TMEM132B: variants seen among roughly 807,000 people sequenced by gnomAD.
TMEM132B encodes the protein transmembrane protein 132B.
TMEM132B carries 18 observed loss-of-function variants against 90.8 expected under a neutral mutation model. That is an observed-to-expected ratio of 0.20 (90% confidence interval 0.14 to 0.29). TMEM132B has a LOEUF of 0.29. Among genes scored for constraint, TMEM132B ranks in the 10% least tolerant of loss-of-function variants. The pLI, the probability that TMEM132B is intolerant of heterozygous loss-of-function variation, is 1.00. For synonymous variants in TMEM132B, 504 were observed against 523.3 expected, an observed-to-expected ratio of 0.96 and a Z score of 0.50; for missense variants, 1,096 against 1,326.8, an observed-to-expected ratio of 0.83 and a Z score of 2.70.
intron 1 of TMEM132B, among the ~76,000 whole-genome samples, chr12:125,328,840 C>G (rs1463074850): frequency 6.6e-6 from 1 of 152,124 alleles, no homozygotes; most frequent in Non-Finnish European, 1.5e-5. Context: ...GCCCTCATGA[C>G]TCTCGCTTTT....
intron 3 of TMEM132B, among the ~76,000 whole-genome samples, chr12:125,474,289 T>G: frequency 8.1e-6 from 1 of 123,264 alleles, no homozygotes; most frequent in East Asian, 2.8e-4. Flanking sequence ...CCCCTCCCCT[T>G]CCCTTCCCTC....
intron 4 of TMEM132B, among the ~76,000 whole-genome samples, chr12:125,567,757 T>G (rs939281069): frequency 6.6e-6 from 1 of 152,174 alleles, no homozygotes; most frequent in Non-Finnish European, 1.5e-5. Context: ...GTGTGAAATT[T>G]TAATGTAGCT....
intron 3 of TMEM132B, among the ~76,000 whole-genome samples, chr12:125,468,910 A>G (rs1265389164): frequency 6.6e-6 from 1 of 152,228 alleles, no homozygotes; most frequent in Non-Finnish European, 1.5e-5. Context: ...TTGTTAGTAT[A>G]TAGAAACACA....
At chr12:125,326,509 T>G in intron 1 of TMEM132B, 4 of 1,203,102 alleles carry the variant, frequency 3.3e-6, no homozygotes, top group Non-Finnish European at 4.8e-6. Context: ...GCAACCTGTA[T>G]AGTAAACATC....
At chr12:125,466,912 C>A (rs1207595572) in intron 3 of TMEM132B, among the ~76,000 whole-genome samples, 3 of 152,176 alleles carry the variant, frequency 2.0e-5, no homozygotes, top group African/African-American at 4.8e-5. Context: ...TGTGAACAAA[C>A]AAATGAAGTT....
Position 125,656,833 on chromosome 12 carries a change from CCTTTGGATCTCT to C in TMEM132B, c.*2124_*2135del, listed in dbSNP as rs1259419326. On this transcript the variant is annotated 3_prime_UTR_variant, in exon 9 of 9. Transcript: ENST00000682704. ...CTATGAGGCTTTTCAATCGTCTCTCCCTTTGGATCTCTGGCATTCCAGAAAGACTGGGAATTC... is the reference window on the plus strand; with the variant it reads ...CTATGAGGCTTTTCAATCGTCTCTCCGGCATTCCAGAAAGACTGGGAATTC... 1 of 152,224 alleles carries C rather than the reference CCTTTGGATCTCT, an allele frequency of 6.6e-6. No homozygotes were observed. 9.4% of individuals were successfully genotyped at this position (152,224 alleles called of 1,614,324 possible).
chr12:125,544,100 CAG>C (rs953732656), intron 4 of TMEM132B, among the ~76,000 whole-genome samples: 58 of 152,244 alleles, frequency 3.8e-4, no homozygotes, highest in African/African-American at 1.3e-3. Flanking sequence ...AACACAGAAA[CAG>C]AAAACCAAAC....
At chr12:125,544,378 A>G (rs1363360202) in intron 4 of TMEM132B, among the ~76,000 whole-genome samples, 1 of 152,180 alleles carries the variant, frequency 6.6e-6, no homozygotes, top group Non-Finnish European at 1.5e-5. Context: ...TTTAAATTTC[A>G]TATTTTAACT....
chr12:125,340,674 C>A (rs999715386), intron 1 of TMEM132B, among the ~76,000 whole-genome samples: 1 of 152,176 alleles, frequency 6.6e-6, no homozygotes, highest in African/African-American at 2.4e-5. Context: ...AAAAGCCTTG[C>A]CTGGTTTGGG....
At chr12:125,200,704 T>G (rs1400960038) in intron 1 of TMEM132B, among the ~76,000 whole-genome samples, 1 of 152,176 alleles carries the variant, frequency 6.6e-6, no homozygotes. Flanking sequence ...AGAACTGACA[T>G]CTGAGGAGAT....
chr12:125,576,701 T>G (rs1884949481), intron 4 of TMEM132B, among the ~76,000 whole-genome samples: 1 of 152,116 alleles, frequency 6.6e-6, no homozygotes, highest in Non-Finnish European at 1.5e-5. Flanking sequence ...AAATGCTTTT[T>G]TTCACATGTC....
chr12:125,631,453 G>A (rs1471409338), intron 5 of TMEM132B, among the ~76,000 whole-genome samples: 3 of 152,154 alleles, frequency 2.0e-5, no homozygotes. Context: ...GGAGAAGAAT[G>A]TATATTCTGC....
intron 1 of TMEM132B, among the ~76,000 whole-genome samples, chr12:125,270,761 G>A (rs576096655): frequency 2.9e-5 from 4 of 136,418 alleles, no homozygotes; most frequent in African/African-American, 1.1e-4. Context: ...AGCTGAACAG[G>A]CTCCTGCAGA....
intron 1 of TMEM132B, among the ~76,000 whole-genome samples, chr12:125,272,891 T>C (rs1002962852): frequency 2.6e-5 from 4 of 152,210 alleles, no homozygotes; most frequent in African/African-American, 4.8e-5. Context: ...CATTTGAATG[T>C]CATTCTTCGC....
chr12:125,436,350 C>T (rs1880701199), intron 3 of TMEM132B, among the ~76,000 whole-genome samples: 1 of 152,196 alleles, frequency 6.6e-6, no homozygotes, highest in African/African-American at 2.4e-5. Flanking sequence ...TGCTCTCTTC[C>T]TGTTATGGAA....
intron 2 of TMEM132B, among the ~76,000 whole-genome samples, chr12:125,398,314 G>A (rs956516516): frequency 2.0e-5 from 3 of 152,266 alleles, no homozygotes; most frequent in Non-Finnish European, 4.4e-5. Context: ...CTAGGGGGTG[G>A]TATCTCATCG....
At chr12:125,197,578 C>G (rs1038421508) in intron 1 of TMEM132B, among the ~76,000 whole-genome samples, 1 of 152,242 alleles carries the variant, frequency 6.6e-6, no homozygotes, top group African/African-American at 2.4e-5. Flanking sequence ...TCTACAACTA[C>G]TTCTCTACAA....
chr12:125,354,059 T>G (rs961412140), intron 2 of TMEM132B, among the ~76,000 whole-genome samples: 1 of 152,216 alleles, frequency 6.6e-6, no homozygotes, highest in Non-Finnish European at 1.5e-5. Context: ...TCCAGCAGCC[T>G]CTTCCTTTAG....
At chr12:125,531,443 C>T (rs1193791301) in intron 4 of TMEM132B, among the ~76,000 whole-genome samples, 1 of 152,176 alleles carries the variant, frequency 6.6e-6, no homozygotes, top group Non-Finnish European at 1.5e-5. Context: ...CACACTTTGG[C>T]CTTCCAAAGT....
Sources: allele counts gnomAD v4.1 joint callset (sites outside exome capture counted in the v4.1 genomes callset), GRCh38; gene constraint gnomAD v4.1.1; transcripts MANE v1.5; gene names NCBI Gene and HGNC (gene_info 2026-07-23, HGNC 2026-07-21).